SCN8A: variants seen among roughly 807,000 people sequenced by gnomAD.
SCN8A encodes sodium channel protein type 8 subunit alpha.
In SCN8A, 30 loss-of-function variants were observed where a neutral mutation model predicts 184.1. The observed-to-expected ratio is 0.16, with a 90% CI of 0.12 to 0.22. SCN8A has a LOEUF of 0.22. SCN8A is among the 10% of genes least tolerant of loss of function. The pLI is 1.00. For synonymous variants in SCN8A, 852 were observed against 907.0 expected (o/e 0.94, Z 1.09); for missense variants, 1,057 against 2,498.9 (o/e 0.42, Z 12.30).
chr12:51,713,559 A>C, intron 11 of SCN8A: 1 of 729,024 alleles, frequency 1.4e-6, no homozygotes, highest in Non-Finnish European at 2.5e-6. Flanking sequence ...GGCAATGTCG[A>C]CGGCTGGAGT....
intron 2 of SCN8A, among the ~76,000 whole-genome samples, chr12:51,682,667 C>T (rs1941355255): frequency 6.6e-6 from 1 of 152,078 alleles, no homozygotes; most frequent in African/African-American, 2.4e-5. Context: ...TGCATTGCTC[C>T]AAAATTTAAA....
Position 51,806,868 on chromosome 12 carries a change from G to A in SCN8A, c.5382G>A (p.Lys1794=), listed in dbSNP as rs779027899. The change falls in exon 27 of 27, where the codon AAG becomes AAA. Residue 1794 remains lysine (K), a synonymous_variant. Transcript: ENST00000627620. The surrounding 1 kb of genome is among the most constrained non-coding windows in gnomAD (Gnocchi z 8.7). ...DFETFYEIWE[K]FDPDATQFIE... ...AGACCTTCTATGAGATCTGGGAGAA[G>A]TTCGACCCCGATGCCACCCAGTTCA... 1.9e-6 allele frequency: 3 copies of A among 1,613,796 alleles called. No homozygotes were observed. The highest frequency in any genetic ancestry group is 2.5e-6 in the Non-Finnish European group (3 of 1,179,684).
At chr12:51,768,049 C>T (rs1379696031) in intron 16 of SCN8A, 1 of 152,200 alleles carries the variant, frequency 6.6e-6, no homozygotes, top group Non-Finnish European at 1.5e-5. Context: ...ATTGTTTCCA[C>T]CCTCCCACTC....
intron 12 of SCN8A, among the ~76,000 whole-genome samples, chr12:51,732,377 T>G (rs1942257598): frequency 6.6e-6 from 1 of 152,238 alleles, no homozygotes. Context: ...ATGAGTTCAC[T>G]GTAGGTGTGT....
chr12:51,784,961 A>G (rs951453382), intron 21 of SCN8A, among the ~76,000 whole-genome samples: 1 of 152,204 alleles, frequency 6.6e-6, no homozygotes, highest in African/African-American at 2.4e-5. Flanking sequence ...GTAATGGTCT[A>G]ACAGAAAGTC....
intron 12 of SCN8A, among the ~76,000 whole-genome samples, chr12:51,737,952 G>T (rs1236774258): frequency 6.6e-6 from 1 of 152,126 alleles, no homozygotes; most frequent in Non-Finnish European, 1.5e-5. Context: ...TTTTCTGATT[G>T]TTCAGCAAGC....
chr12:51,692,287 G>A (rs908756874), intron 6 of SCN8A, among the ~76,000 whole-genome samples: 1 of 152,080 alleles, frequency 6.6e-6, no homozygotes, highest in African/African-American at 2.4e-5. Flanking sequence ...CCCCCAACCT[G>A]GGCTGATACT....
intron 9 of SCN8A, 133 bp downstream of exon 9, chr12:51,703,047 G>C: frequency 2.3e-6 from 2 of 864,152 alleles, no homozygotes; most frequent in Non-Finnish European, 3.3e-6. Flanking sequence ...CAGTCAGCTG[G>C]TTTTTGATAT....
At chr12:51,652,140 A>G (rs1237333425) in intron 1 of SCN8A, among the ~76,000 whole-genome samples, 1 of 151,988 alleles carries the variant, frequency 6.6e-6, no homozygotes, top group Non-Finnish European at 1.5e-5. Context: ...AGTAGTCGTC[A>G]TCTTAATCTG....
At chr12:51,593,448 C>A (rs555491484) in intron 1 of SCN8A, among the ~76,000 whole-genome samples, 1 of 152,124 alleles carries the variant, frequency 6.6e-6, no homozygotes, top group East Asian at 1.9e-4. Flanking sequence ...TTATCAAAAT[C>A]TTTGGAGGAT....
At chr12:51,640,111 C>G (rs1320765366) in intron 1 of SCN8A, among the ~76,000 whole-genome samples, 1 of 145,636 alleles carries the variant, frequency 6.9e-6, no homozygotes, top group Non-Finnish European at 1.5e-5. Flanking sequence ...CAGGATCTCA[C>G]TGTTGCCCAG....
At chr12:51,739,128 G>C (rs920135494) in intron 12 of SCN8A, among the ~76,000 whole-genome samples, 11 of 152,102 alleles carry the variant, frequency 7.2e-5, no homozygotes, top group African/African-American at 2.7e-4. Context: ...CTGGCGGCCT[G>C]ACTTGCTGAT....
chr12:51,748,823 T>C (rs1251629937), intron 13 of SCN8A, among the ~76,000 whole-genome samples: 1 of 152,174 alleles, frequency 6.6e-6, no homozygotes, highest in South Asian at 2.1e-4. Flanking sequence ...AGTGTATCCT[T>C]GGTGCCTAGC....
chr12:51,709,934 A>C (rs992946177), intron 11 of SCN8A, among the ~76,000 whole-genome samples: 1 of 152,198 alleles, frequency 6.6e-6, no homozygotes, highest in African/African-American at 2.4e-5. Flanking sequence ...CTGACAGTTT[A>C]GTGTTTTGAT....
intron 2 of SCN8A, among the ~76,000 whole-genome samples, chr12:51,677,617 T>C (rs1006058850): frequency 1.3e-5 from 2 of 152,154 alleles, no homozygotes; most frequent in East Asian, 3.9e-4. Flanking sequence ...AGAGAAGATA[T>C]CTTACCCTGA....
chr12:51,755,285 T>A (rs917367768), intron 14 of SCN8A, among the ~76,000 whole-genome samples: 1 of 152,238 alleles, frequency 6.6e-6, no homozygotes, highest in African/African-American at 2.4e-5. Flanking sequence ...CAGTATGGAT[T>A]AATGGTTTTC....
At chr12:51,641,429 T>G (rs1362819372) in intron 1 of SCN8A, among the ~76,000 whole-genome samples, 2 of 152,304 alleles carry the variant, frequency 1.3e-5, no homozygotes, top group East Asian at 1.9e-4. Flanking sequence ...AATACCATAC[T>G]GTACAGAAAA....
At chr12:51,658,358 A>G in intron 1 of SCN8A, among the ~76,000 whole-genome samples, 1 of 151,750 alleles carries the variant, frequency 6.6e-6, no homozygotes, top group South Asian at 2.1e-4. Context: ...AGGTCTTACT[A>G]TTTTTTTGGT....
At position 51,769,100 on chromosome 12, in the gene SCN8A, C is replaced by A. The variant is rs1344073985; in HGVS notation, c.3137C>A (p.Ala1046Asp). ...ELYEKKANCI[A>D]NHTGADIHRN... ...TATGAAAAGAAGGCCAACTGTATCG[C>A]CAATCACACCGGTGCAGACATCCAC... Residue 1046 changes from alanine to aspartate, a missense_variant, in exon 17 of 27, where the codon GCC becomes GAC. Ala to Asp is a moderately radical substitution (Grantham distance 126). This residue lies in a region of SCN8A where 178 missense variants were observed against 259.6 expected (regional missense o/e 0.69). Coordinates refer to ENST00000627620, the MANE Select transcript of SCN8A (RefSeq NM_001330260.2). 6.2e-7 allele frequency: 1 copy of A among 1,613,686 alleles called. No homozygotes were observed. Among genetic ancestry groups the A allele is most frequent in the Non-Finnish European group, 8.5e-7 (1 of 1,179,778 alleles).
Sources: gnomAD v4.1 joint callset for allele counts (sites outside exome capture counted in the v4.1 genomes callset) on GRCh38, gnomAD v4.1.1 for gene constraint, gnomAD v4.1.1 regional missense constraint, Gnocchi (gnomAD v3.1) non-coding constraint, MANE v1.5 for transcripts, NCBI Gene and HGNC (gene_info 2026-07-23, HGNC 2026-07-21) for gene names.